The following ZFP36L1 variants were observed in gnomAD, a reference collection of about 807,000 sequenced individuals.
ZFP36L1 encodes ZFP36 like 1 zinc finger CCCH-type.
A neutral mutation model predicts 16.7 loss-of-function variants in ZFP36L1; 4 were observed. The ratio of observed to expected loss-of-function variants is 0.24; its 90% CI spans 0.12 to 0.55. The LOEUF (loss-of-function observed/expected upper bound fraction) is 0.55, where lower values mean the gene tolerates loss of function less well. Among genes scored for constraint, ZFP36L1 ranks in the 20% least tolerant of loss-of-function variants. ZFP36L1 has a pLI of 0.94. For synonymous variants in ZFP36L1, 220 were observed against 190.8 expected, an observed-to-expected ratio of 1.15 and a Z score of -1.26; for missense variants, 311 against 449.2, an observed-to-expected ratio of 0.69 and a Z score of 2.78.
rs1895008621 is a variant in ZFP36L1 at position 68,789,547 on chromosome 14, T to C, written c.1003A>G (p.Ile335Val). 1 of 1,613,414 alleles carries C rather than the reference T, an allele frequency of 6.2e-7. No homozygotes were observed. The highest frequency in any genetic ancestry group is 1.7e-5 in the Admixed American group (1 of 59,960). ...RRLPIFSRLS[I>V]SDD The stretch of plus-strand genomic sequence containing the variant: ...CCTACCCTGGCTTAGTCATCTGAGA[T>C]GGAAAGTCTGCTGAAGATGGGCAGG... The change falls in exon 2 of 2, where the codon ATC becomes GTC. Residue 335 changes from isoleucine to valine, a missense_variant. Around this residue, in one of 4 missense-constraint regions of ZFP36L1, gnomAD observed 3 missense variants for 25.7 expected, o/e 0.12. Coordinates refer to ENST00000439696, the MANE Select transcript of ZFP36L1 (RefSeq NM_004926.4). This position sits in a 1 kb window ranked among gnomAD's most constrained non-coding sequence, Gnocchi z 4.5.
At chr14:68,793,603 G>A (rs191446495), upstream of ZFP36L1, 2 of 985,970 alleles carry the variant, frequency 2.0e-6, no homozygotes, top group Non-Finnish European at 2.4e-6. Context: ...TTTCCATCTT[G>A]AGCTGGCGGT....
At chr14:68,792,040 T>G (rs192014829) in intron 1 of ZFP36L1, among the ~76,000 whole-genome samples, 2 of 152,342 alleles carry the variant, frequency 1.3e-5, no homozygotes, top group South Asian at 2.1e-4. Context: ...TTTTGCTATG[T>G]ACATTTAAAC....
At position 68,788,455 on chromosome 14, in the gene ZFP36L1, G is replaced by A. The variant is rs1398577441; in HGVS notation, c.*1078C>T. ...AGTTATATGAAGTTTAAAACCCAGG[G>A]AAGAAAGCATGGCGTGAGTGCTCTA... On this transcript the variant is annotated 3_prime_UTR_variant, in exon 2 of 2. Coordinates refer to ENST00000439696, the MANE Select transcript of ZFP36L1 (RefSeq NM_004926.4). 6.5e-6 allele frequency: 1 copy of A among 152,728 alleles called. No individual in the cohort carries two copies. Among genetic ancestry groups the A allele is most frequent in the African/African-American group, 2.4e-5 (1 of 41,440 alleles). The allele number at this position is 152,728 out of a possible 1,614,324, so 9.5% of individuals were successfully genotyped here.
At chr14:68,795,145 G>A (rs1895213678), upstream of ZFP36L1, among the ~76,000 whole-genome samples, 1 of 152,200 alleles carries the variant, frequency 6.6e-6, no homozygotes, top group Non-Finnish European at 1.5e-5. Flanking sequence ...GTGGGTGTTG[G>A]GGCGGTGGGG....
chr14:68,789,227 C>CA lies in ZFP36L1; in HGVS notation c.*305_*306insT, dbSNP rs1566559296. On this transcript the variant is annotated 3_prime_UTR_variant, in exon 2 of 2. Transcript: ENST00000439696. This position sits in a 1 kb window ranked among gnomAD's most constrained non-coding sequence, Gnocchi z 4.5. Reference sequence around the variant, plus strand: ...GTGATTTGGCACTTAAGGCTTAAGCCGGAAAAAAAAAGGCATCTACTGACA... The same window carrying CA: ...GTGATTTGGCACTTAAGGCTTAAGCCAGGAAAAAAAAAGGCATCTACTGACA... 2 of 350,780 alleles carry CA rather than the reference C, an allele frequency of 5.7e-6. No individual in the cohort carries two copies. The highest frequency in any genetic ancestry group is 4.3e-5 in the African/African-American group (2 of 47,022). The allele number at this position is 350,780 out of a possible 1,614,324, so 21.7% of individuals were successfully genotyped here. A position where few individuals can be genotyped will look rare whatever the true frequency, so the allele number is the denominator to read the frequency against.
At chr14:68,791,095 G>A (rs1027122033) in intron 1 of ZFP36L1, 1 of 699,948 alleles carries the variant, frequency 1.4e-6, no homozygotes, top group Non-Finnish European at 2.6e-6. Context: ...CCTGGTCTGA[G>A]GTTGGGGGAG....
Position 68,793,017 on chromosome 14 carries a change from T to G in ZFP36L1, c.-79A>C. 1 of 1,606,532 alleles carries G rather than the reference T, an allele frequency of 6.2e-7. No individual in the cohort carries two copies. Among genetic ancestry groups the G allele is most frequent in the South Asian group, 1.1e-5 (1 of 90,942 alleles). On this transcript the variant is annotated 5_prime_UTR_variant, in exon 1 of 2. Coordinates refer to ENST00000439696, the MANE Select transcript of ZFP36L1 (RefSeq NM_004926.4). ...GGTGCGGGGAAGGCGCAGCCTCTCC[T>G]GTCTGGAGTCCCACACGCCAGTTCC...
chr14:68,793,405 C>T, upstream of ZFP36L1: 1 of 998,488 alleles, frequency 1.0e-6, no homozygotes, highest in Non-Finnish European at 1.2e-6. Flanking sequence ...CGGGGCCGCG[C>T]GGGCGCAGAG....
upstream of ZFP36L1, chr14:68,794,501 G>C (rs917432862): frequency 6.6e-6 from 1 of 152,266 alleles, no homozygotes; most frequent in African/African-American, 2.4e-5. Context: ...GACCCAGGCG[G>C]AAGTCGCAGG....
chr14:68,790,343 G>T lies in ZFP36L1; in HGVS notation c.207C>A (p.Ser69Arg). 6.2e-7 allele frequency: 1 copy of T among 1,612,198 alleles called. No individual in the cohort carries two copies. ...CGGGGGCTGGCTCACCCTTGAGGCT[G>T]CTGAGGAGCTGGTTCTGGTGGAACT... is the stretch of plus-strand genomic sequence containing the variant. The part of the protein sequence containing the change: ...SSKFHQNQLL[S>R]SLKGEPAPAL... Residue 69 changes from serine to arginine, a missense_variant, in exon 2 of 2, where the codon AGC (serine) becomes AGA (arginine). Around this residue, in one of 4 missense-constraint regions of ZFP36L1, gnomAD observed 137 missense variants for 142.6 expected, o/e 0.96. Transcript: ENST00000439696.
At chr14:68,792,723 G>T (rs1427502482) in intron 1 of ZFP36L1, among the ~76,000 whole-genome samples, 159 bp downstream of exon 1, 1 of 152,188 alleles carries the variant, frequency 6.6e-6, no homozygotes, top group Admixed American at 6.5e-5. Context: ...GAAGGACGGG[G>T]CCAAATTCCT....
intron 1 of ZFP36L1, among the ~76,000 whole-genome samples, chr14:68,792,553 A>G (rs541562967): frequency 6.6e-6 from 1 of 152,286 alleles, no homozygotes; most frequent in Admixed American, 6.5e-5. Context: ...GGGATCCAGC[A>G]GCACGTTACG....
Position 68,792,785 on chromosome 14 carries a change from T to C in ZFP36L1, c.57+97A>G, listed in dbSNP as rs11851414. The C allele has an allele frequency of 0.21, 320,576 of 1,519,730 alleles. 36,152 individuals carry two copies. Among genetic ancestry groups the C allele is most frequent in the African/African-American group, 0.35 (25,729 of 72,744 alleles). 94.1% of individuals were successfully genotyped at this position (1,519,730 alleles called of 1,614,324 possible). On this transcript the variant is annotated intron_variant, in intron 1 of 1. Transcript: ENST00000439696. ...GAAAAGAATCATCTCGCTGCACCAC[T>C]TTCCCCATTGCCTTCCAAGACCCAA...
rs762753405 is a variant in ZFP36L1, at chr14:68,790,115, G to A, written c.435C>T (p.Arg145=). Residue 145 remains arginine (R), a synonymous_variant, in exon 2 of 2, where the codon CGC becomes CGT. Coordinates refer to ENST00000439696, the MANE Select transcript of ZFP36L1 (RefSeq NM_004926.4). ...CQFAHGIHEL[R]SLTRHPKYKT... ...TGTACTTGGGGTGGCGGGTCAGGCT[G>A]CGGAGCTCGTGGATGCCGTGTGCGA... The A allele has an allele frequency of 3.2e-5, 52 of 1,610,744 alleles. No individual in the cohort carries two copies.
At position 68,790,316 on chromosome 14, in the gene ZFP36L1, AGCGGGGGCT is replaced by A. The variant is rs764305207; in HGVS notation, c.225_233del (p.Ala76_Ala78del). The A allele has an allele frequency of 1.2e-6, 2 of 1,610,214 alleles. No homozygotes were observed. Among genetic ancestry groups the A allele is most frequent in the South Asian group, 2.2e-5 (2 of 91,046 alleles). ...GGAAGCGGCTGTCTCGCGAGCTCAG[AGCGGGGGCT>A]GGCTCACCCTTGAGGCTGCTGAGGA... On this transcript the variant is annotated inframe_deletion, in exon 2 of 2. Transcript: ENST00000439696.
intron 1 of ZFP36L1, chr14:68,791,148 T>C (rs1198627288): frequency 1.5e-6 from 1 of 687,010 alleles, no homozygotes; most frequent in Non-Finnish European, 2.6e-6. Flanking sequence ...TGCCCTAAGT[T>C]CCCGGAAGAG....
At chr14:68,790,845 C>T in intron 1 of ZFP36L1, 1 of 592,904 alleles carries the variant, frequency 1.7e-6, no homozygotes, top group Non-Finnish European at 3.0e-6. Context: ...ACAACCCAGA[C>T]CTCTCTAGAT....
chr14:68,796,132 C>G, upstream of ZFP36L1: 1 of 1,366,032 alleles, frequency 7.3e-7, no homozygotes, highest in Non-Finnish European at 9.8e-7. Flanking sequence ...CCAGGCCCGA[C>G]TTCCGGGCCC....
At chr14:68,796,146 C>T (rs200539333), upstream of ZFP36L1, 20 of 1,366,310 alleles carry the variant, frequency 1.5e-5, no homozygotes, top group Admixed American at 1.9e-5. Flanking sequence ...CGGGCCCTCC[C>T]CATTCGCCTG....
Sources: allele counts gnomAD v4.1 joint callset (sites outside exome capture counted in the v4.1 genomes callset), GRCh38; gene constraint gnomAD v4.1.1; regional missense constraint gnomAD v4.1.1; non-coding constraint Gnocchi (gnomAD v3.1); transcripts MANE v1.5; gene names NCBI Gene and HGNC (gene_info 2026-07-23, HGNC 2026-07-21).